Variants in TRIM24 observed in about 807,000 individuals in gnomAD.
The protein encoded by TRIM24 is tripartite motif containing 24.
A neutral mutation model predicts 123.9 loss-of-function variants in TRIM24; 29 were observed. That is an observed-to-expected ratio of 0.23 (90% CI 0.17 to 0.32). The LOEUF is 0.32. TRIM24 is among the 10% of genes least tolerant of loss of function. The probability of loss-of-function intolerance (pLI) is 1.00; values close to 1 mark genes in which losing one functional copy is unlikely to be tolerated. For synonymous variants in TRIM24, 456 were observed against 461.1 expected (o/e 0.99, Z 0.14); for missense variants, 932 against 1,295.3 (o/e 0.72, Z 4.31).
At chr7:138,460,962 GGGCGGGCGCCC>G in intron 1 of TRIM24, 50 bp downstream of exon 1, 1 of 1,358,542 alleles carries the variant, frequency 7.4e-7, no homozygotes, top group Non-Finnish European at 9.4e-7. Flanking sequence ...GGCCAGGAGG[GGGCGGGCGCCC>G]TTGTGCGGCG....
intron 2 of TRIM24, among the ~76,000 whole-genome samples, chr7:138,505,183 T>C (rs577813112): frequency 7.9e-5 from 12 of 152,266 alleles, no homozygotes; most frequent in African/African-American, 2.9e-4. Context: ...TAAAGAATAA[T>C]GAATAATTCA....
chr7:138,570,559 A>T (rs1797632305), intron 10 of TRIM24, among the ~76,000 whole-genome samples: 1 of 152,092 alleles, frequency 6.6e-6, no homozygotes, highest in Non-Finnish European at 1.5e-5. Context: ...CAATATGTAT[A>T]AACCTGCCAA....
intron 9 of TRIM24, among the ~76,000 whole-genome samples, chr7:138,558,991 T>C (rs771932744): frequency 5.3e-5 from 8 of 152,222 alleles, no homozygotes; most frequent in Non-Finnish European, 8.8e-5. Flanking sequence ...AATGGACCAC[T>C]ACAGGATTGC....
intron 5 of TRIM24, among the ~76,000 whole-genome samples, chr7:138,527,314 G>A (rs1398356427): frequency 6.6e-6 from 1 of 152,024 alleles, no homozygotes; most frequent in African/African-American, 2.4e-5. Flanking sequence ...AACATTGTGT[G>A]TAACAATTTT....
At chr7:138,540,093 C>T (rs1369706777) in intron 7 of TRIM24, among the ~76,000 whole-genome samples, 2 of 152,172 alleles carry the variant, frequency 1.3e-5, no homozygotes, top group African/African-American at 4.8e-5. Context: ...AACCACTGCA[C>T]CCAGCTTAAA....
At chr7:138,496,632 A>C (rs978999800) in intron 1 of TRIM24, among the ~76,000 whole-genome samples, 5 of 152,000 alleles carry the variant, frequency 3.3e-5, no homozygotes, top group African/African-American at 1.2e-4. Flanking sequence ...TGTTATGGAT[A>C]GGTGAATTTT....
At chr7:138,522,393 C>T (rs1426507845) in intron 4 of TRIM24, among the ~76,000 whole-genome samples, 1 of 151,738 alleles carries the variant, frequency 6.6e-6, no homozygotes, top group East Asian at 1.9e-4. Context: ...GTCTTATGGA[C>T]ATTGTGGAAC....
chr7:138,473,354 A>G (rs568521536), intron 1 of TRIM24, among the ~76,000 whole-genome samples: 13 of 152,240 alleles, frequency 8.5e-5, no homozygotes, highest in Non-Finnish European at 1.3e-4. Flanking sequence ...TACTTACTGT[A>G]TGCAGACTGA....
At chr7:138,572,708 A>G (rs1335474146) in intron 11 of TRIM24, among the ~76,000 whole-genome samples, 4 of 152,244 alleles carry the variant, frequency 2.6e-5, no homozygotes, top group Admixed American at 6.5e-5. Context: ...TGGTTGAACA[A>G]GAGTAGAACT....
At chr7:138,464,964 T>G (rs1795103184) in intron 1 of TRIM24, among the ~76,000 whole-genome samples, 1 of 152,194 alleles carries the variant, frequency 6.6e-6, no homozygotes, top group African/African-American at 2.4e-5. Context: ...TAGTTTCCCT[T>G]TCTATAAAAT....
Position 138,573,675 on chromosome 7 carries a change from T to C in TRIM24, c.2014+33T>C, listed in dbSNP as rs781371244. On this transcript the variant is annotated intron_variant, in intron 12 of 18. Transcript: ENST00000343526. ...GGGCTTCTTTTGATTTTTGTGAAAG[T>C]TTTTCTAGTTTTCACTTTACTTGGA... 8 of 1,581,390 alleles carry C rather than the reference T, an allele frequency of 5.1e-6. No individual in the cohort carries two copies. The East Asian group carries it at 1.8e-4, about 36-fold the overall frequency.
intron 6 of TRIM24, among the ~76,000 whole-genome samples, chr7:138,533,364 A>G (rs1796789771): frequency 6.6e-6 from 1 of 152,168 alleles, no homozygotes; most frequent in South Asian, 2.1e-4. Flanking sequence ...TGTCATAAAT[A>G]GCTCTTATTA....
intron 4 of TRIM24, among the ~76,000 whole-genome samples, chr7:138,521,243 G>A (rs1254723935): frequency 6.6e-6 from 1 of 152,156 alleles, no homozygotes; most frequent in African/African-American, 2.4e-5. Context: ...ATAGGTATGA[G>A]TAAATCTAAA....
At chr7:138,475,318 G>A (rs1384061169) in intron 1 of TRIM24, among the ~76,000 whole-genome samples, 1 of 152,124 alleles carries the variant, frequency 6.6e-6, no homozygotes, top group Non-Finnish European at 1.5e-5. Context: ...TTTCTAGATA[G>A]CAAAAGAAGT....
Position 138,474,420 on chromosome 7 carries a change from C to T in TRIM24, c.364+13508C>T, listed in dbSNP as rs188744188. On this transcript the variant is annotated intron_variant, in intron 1 of 18. Coordinates refer to ENST00000343526, the MANE Select transcript of TRIM24 (RefSeq NM_015905.3). ...GATTACAGGTGTGAGCCACCGCGCC[C>T]GGCCTATCTTGTACTTTTTCTATGC... Among the ~76,000 whole-genome samples, 21 of 152,280 alleles carry T rather than the reference C, an allele frequency of 1.4e-4. 1 individual carries two copies. The East Asian group carries it at 1.9e-3, about 14-fold the overall frequency.
At chr7:138,500,494 T>C (rs1796012883) in intron 1 of TRIM24, among the ~76,000 whole-genome samples, 1 of 140,626 alleles carries the variant, frequency 7.1e-6, no homozygotes, top group African/African-American at 2.7e-5. Context: ...GCCCGAGAGG[T>C]GGAGGCTACA....
At chr7:138,565,373 G>A (rs1180677061) in intron 9 of TRIM24, among the ~76,000 whole-genome samples, 3 of 152,034 alleles carry the variant, frequency 2.0e-5, no homozygotes, top group African/African-American at 4.8e-5. Context: ...GTCCTGCCTC[G>A]GGCTCAAACC....
rs530596825 is a variant in TRIM24, at chr7:138,534,520, G to A, written c.997-4137G>A. 2.4e-4 allele frequency among the ~76,000 whole-genome samples: 37 copies of A among 152,222 alleles called. 1 individual carries two copies. The South Asian group carries it at 5.6e-3, about 23-fold the overall frequency. On this transcript the variant is annotated intron_variant, in intron 6 of 18. Transcript: ENST00000343526. ...TTGTTCAGTTTCCATGTAGTTGAGC[G>A]GTTTTGAGTGAGTTTCTTAATCCTG...
chr7:138,494,031 G>C (rs1166398120), intron 1 of TRIM24, among the ~76,000 whole-genome samples: 2 of 151,824 alleles, frequency 1.3e-5, no homozygotes, highest in African/African-American at 4.8e-5. Context: ...GCCCAGGCTG[G>C]AGTGCAATGG....
Sources: allele counts gnomAD v4.1 joint callset (sites outside exome capture counted in the v4.1 genomes callset), GRCh38; gene constraint gnomAD v4.1.1; transcripts MANE v1.5; gene names NCBI Gene and HGNC (gene_info 2026-07-23, HGNC 2026-07-21).